Variants in NAV2 observed in about 807,000 individuals in gnomAD.
NAV2 encodes the protein helicase, APC down-regulated 1.
In NAV2, 54 loss-of-function variants were observed where a neutral mutation model predicts 223.2. The observed-to-expected ratio is 0.24, with a 90% CI of 0.19 to 0.30. The LOEUF (loss-of-function observed/expected upper bound fraction) is 0.30, where lower values mean the gene tolerates loss of function less well. NAV2 is among the 10% of genes least tolerant of loss of function. The probability of loss-of-function intolerance (pLI) is 1.00; values close to 1 mark genes in which losing one functional copy is unlikely to be tolerated. For synonymous variants in NAV2, 1,279 were observed against 1,239.3 expected (o/e 1.03, Z -0.67); for missense variants, 2,806 against 3,147.5 (o/e 0.89, Z 2.60).
intron 11 of NAV2, among the ~76,000 whole-genome samples, chr11:20,012,189 T>C (rs548742878): frequency 1.8e-4 from 27 of 152,362 alleles, no homozygotes; most frequent in East Asian, 1.4e-3. Context: ...CCTCCACATA[T>C]AGCATCAGTT....
chr11:19,687,016 A>G (rs952902589), intron 1 of NAV2, among the ~76,000 whole-genome samples: 2 of 152,236 alleles, frequency 1.3e-5, no homozygotes. Context: ...ACATGACTAG[A>G]AAGTGGCAGA....
At chr11:19,921,930 A>ATG (rs200938968) in intron 6 of NAV2, among the ~76,000 whole-genome samples, 46 of 151,258 alleles carry the variant, frequency 3.0e-4, no homozygotes, top group Admixed American at 7.2e-4. Context: ...ATTGCTATAT[A>ATG]TGTGTGTGTG....
chr11:19,667,753 G>A (rs1469736544), intron 1 of NAV2, among the ~76,000 whole-genome samples: 2 of 152,188 alleles, frequency 1.3e-5, no homozygotes, highest in South Asian at 2.1e-4. Context: ...TTAGCTAGAA[G>A]CACACAGCTA....
At chr11:19,585,008 G>A (rs1389551847) in intron 1 of NAV2, among the ~76,000 whole-genome samples, 3 of 152,076 alleles carry the variant, frequency 2.0e-5, no homozygotes, top group Admixed American at 2.0e-4. Context: ...TATTGTGTGG[G>A]AGTCTAAGTC....
chr11:19,758,489 G>A (rs1470733618), intron 1 of NAV2, among the ~76,000 whole-genome samples: 1 of 152,184 alleles, frequency 6.6e-6, no homozygotes. Context: ...GACTGTGATT[G>A]CAAGTGGGGT....
intron 1 of NAV2, chr11:19,511,791 C>T (rs924872047): frequency 1.3e-4 from 20 of 152,278 alleles, no homozygotes; most frequent in African/African-American, 4.8e-4. Flanking sequence ...TGGTGACTCC[C>T]TTCAGCCCGC....
intron 1 of NAV2, among the ~76,000 whole-genome samples, chr11:19,588,926 C>T (rs759359147): frequency 1.4e-4 from 22 of 152,188 alleles, no homozygotes; most frequent in Non-Finnish European, 2.1e-4. Context: ...GTTTCATGAA[C>T]TCAATGGGCA....
chr11:19,491,953 CAAAGAG>C (rs762704011), intron 1 of NAV2, among the ~76,000 whole-genome samples: 3,670 of 120,598 alleles, frequency 0.03, 65 homozygotes, highest in Non-Finnish European at 0.046. Flanking sequence ...TAGGGAGACT[CAAAGAG>C]AGAGAGAGAG....
chr11:19,783,250 A>G (rs1203018059), intron 1 of NAV2, among the ~76,000 whole-genome samples: 2 of 152,122 alleles, frequency 1.3e-5, no homozygotes, highest in African/African-American at 2.4e-5. Flanking sequence ...TCTCGTTCCA[A>G]CCTTTGTGGG....
At chr11:19,507,697 G>A (rs771659846) in intron 1 of NAV2, among the ~76,000 whole-genome samples, 13 of 152,180 alleles carry the variant, frequency 8.5e-5, no homozygotes, top group African/African-American at 1.7e-4. Flanking sequence ...CTATGATGCC[G>A]ATGATATTAA....
At chr11:19,491,675 G>T (rs747343041) in intron 1 of NAV2, among the ~76,000 whole-genome samples, 2 of 152,160 alleles carry the variant, frequency 1.3e-5, no homozygotes, top group African/African-American at 2.4e-5. Context: ...AGGCTGTTTT[G>T]CTTTCTTATC....
chr11:20,091,520 T>C (rs1248265783), intron 27 of NAV2, among the ~76,000 whole-genome samples: 1 of 152,220 alleles, frequency 6.6e-6, no homozygotes, highest in Admixed American at 6.5e-5. Flanking sequence ...GGAGAGTTAG[T>C]ACCCTTATCT....
chr11:20,031,306 G>A (rs755025261), intron 11 of NAV2, among the ~76,000 whole-genome samples: 4 of 152,124 alleles, frequency 2.6e-5, no homozygotes, highest in South Asian at 4.1e-4. Flanking sequence ...TTTATTGCCC[G>A]ATTTGGGTCA....
At chr11:19,970,816 TTC>T (rs1223803393) in intron 10 of NAV2, among the ~76,000 whole-genome samples, 1 of 152,240 alleles carries the variant, frequency 6.6e-6, no homozygotes, top group Admixed American at 6.5e-5. Context: ...ATCACTCCAA[TTC>T]TCTGAGTCTT....
rs191485636 is a variant in NAV2 at position 19,735,889 on chromosome 11, G to A, written c.267+21927G>A. On this transcript the variant is annotated intron_variant, in intron 1 of 37. Transcript: ENST00000349880. Reference sequence around the variant, plus strand: ...ATGGAGGTTGGGAGGCTGACATTGCGGGGAGGAAGGAGCTAGAATGCTGGG... The same window carrying A: ...ATGGAGGTTGGGAGGCTGACATTGCAGGGAGGAAGGAGCTAGAATGCTGGG... 1.3e-4 allele frequency among the ~76,000 whole-genome samples: 20 copies of A among 152,318 alleles called. No individual in the cohort carries two copies. In the East Asian group the frequency reaches 2.5e-3, roughly 19 times the overall value.
In NAV2 at chr11:19,641,236, A is replaced by G. The variant is rs755411788; in HGVS notation, c.76-191248A>G. On this transcript the variant is annotated intron_variant, in intron 1 of 37. Transcript: ENST00000360655. ...AGGAATTTTGACTCTACATAGTTTG[A>G]CTTTGTAATAATATTGACCAATGAC... Among the ~76,000 whole-genome samples, 6 of 152,106 alleles carry G rather than the reference A, an allele frequency of 3.9e-5. 1 individual carries two copies. The highest frequency in any genetic ancestry group is 7.4e-5 in the Non-Finnish European group (5 of 68,006).
intron 7 of NAV2, among the ~76,000 whole-genome samples, chr11:19,935,788 C>T (rs2045793430): frequency 6.6e-6 from 1 of 150,720 alleles, no homozygotes; most frequent in African/African-American, 2.4e-5. Flanking sequence ...CCTGAGAGAG[C>T]ACCAGGGCTT....
intron 1 of NAV2, among the ~76,000 whole-genome samples, chr11:19,420,732 C>A (rs1850577004): frequency 6.6e-6 from 1 of 152,186 alleles, no homozygotes; most frequent in Non-Finnish European, 1.5e-5. Context: ...AATGTTTACC[C>A]TTGGAGCAAG....
At chr11:19,841,905 C>T (rs1036253553) in intron 2 of NAV2, among the ~76,000 whole-genome samples, 3 of 152,150 alleles carry the variant, frequency 2.0e-5, no homozygotes, top group African/African-American at 7.2e-5. Flanking sequence ...TCATCTAATT[C>T]TAATTGCTTC....
Sources: allele counts gnomAD v4.1 joint callset (sites outside exome capture counted in the v4.1 genomes callset), GRCh38; gene constraint gnomAD v4.1.1; transcripts MANE v1.5; gene names NCBI Gene and HGNC (gene_info 2026-07-23, HGNC 2026-07-21).